Variants in PRKD1 observed in about 807,000 individuals in gnomAD.
PRKD1 encodes serine/threonine-protein kinase D1.
A neutral mutation model predicts 95.9 loss-of-function variants in PRKD1; 63 were observed. That is an observed-to-expected ratio of 0.66 (90% CI 0.54 to 0.81). The LOEUF (loss-of-function observed/expected upper bound fraction) is 0.81. Among genes scored for constraint, PRKD1 ranks in the 30% least tolerant of loss-of-function variants. The probability of loss-of-function intolerance (pLI) is 0.00; values close to 1 mark genes in which losing one functional copy is unlikely to be tolerated. For synonymous variants in PRKD1, 425 were observed against 423.1 expected, an observed-to-expected ratio of 1.00 and a Z score of -0.05; for missense variants, 1,048 against 1,165.3, an observed-to-expected ratio of 0.90 and a Z score of 1.47.
intron 2 of PRKD1, among the ~76,000 whole-genome samples, chr14:29,698,902 C>A (rs947048028): frequency 6.6e-6 from 1 of 152,040 alleles, no homozygotes; most frequent in Non-Finnish European, 1.5e-5. Flanking sequence ...CTGTTAGATG[C>A]TAAAGTGCAA....
chr14:29,827,386 G>A (rs560993343), intron 1 of PRKD1, among the ~76,000 whole-genome samples: 1 of 152,044 alleles, frequency 6.6e-6, no homozygotes, highest in Non-Finnish European at 1.5e-5. Flanking sequence ...GTTATGGTTA[G>A]ATGGCACAAA....
At chr14:29,702,260 GT>G in intron 2 of PRKD1, among the ~76,000 whole-genome samples, 1 of 152,090 alleles carries the variant, frequency 6.6e-6, no homozygotes, top group Non-Finnish European at 1.5e-5. Context: ...AATTTCTTAG[GT>G]TTAACTGTCA....
rs1028405672 is a variant in PRKD1 at position 29,789,605 on chromosome 14, C to T, written c.265-63931G>A. On this transcript the variant is annotated intron_variant, in intron 1 of 17. Transcript: ENST00000331968. ...TGGTATCCAGGCACCTAGGTGGTGC[C>T]TATAAGTGAATGCCAATGGTGGCAG... Among the ~76,000 whole-genome samples, 5 of 152,088 alleles carry T rather than the reference C, an allele frequency of 3.3e-5. No individual in the cohort carries two copies. In the East Asian group the frequency reaches 9.7e-4, roughly 29 times the overall value.
At position 29,816,171 on chromosome 14, in the gene PRKD1, T is replaced by C. The variant is rs549341674; in HGVS notation, c.265-90497A>G. On this transcript the variant is annotated intron_variant, in intron 1 of 17. Coordinates refer to ENST00000331968, the MANE Select transcript of PRKD1 (RefSeq NM_002742.3). ...AGTTGGAGGTTGCAGTGAGCCGAGA[T>C]CTTGCCACTGCAATCCAGCCTGGGC... is the stretch of plus-strand genomic sequence containing the variant. 2.6e-5 allele frequency among the ~76,000 whole-genome samples: 4 copies of C among 152,256 alleles called. No homozygotes were observed. In the East Asian group the frequency reaches 7.7e-4, roughly 29 times the overall value.
intron 1 of PRKD1, among the ~76,000 whole-genome samples, chr14:29,790,225 T>C (rs1359787277): frequency 1.3e-5 from 2 of 151,922 alleles, no homozygotes; most frequent in African/African-American, 4.8e-5. Context: ...TTGGCCAGGA[T>C]GGTCTCGATC....
At chr14:29,873,751 G>T (rs1893192327) in intron 1 of PRKD1, among the ~76,000 whole-genome samples, 1 of 151,710 alleles carries the variant, frequency 6.6e-6, no homozygotes, top group Non-Finnish European at 1.5e-5. Flanking sequence ...AAAAATAGAT[G>T]AAATATTAGA....
intron 1 of PRKD1, among the ~76,000 whole-genome samples, chr14:29,898,774 T>C (rs1594612667): frequency 6.6e-6 from 1 of 152,224 alleles, no homozygotes; most frequent in Non-Finnish European, 1.5e-5. Flanking sequence ...TGTCCACAGA[T>C]ACAAACTGCC....
At chr14:29,813,302 A>T (rs1483808387) in intron 1 of PRKD1, among the ~76,000 whole-genome samples, 1 of 152,198 alleles carries the variant, frequency 6.6e-6, no homozygotes, top group Non-Finnish European at 1.5e-5. Flanking sequence ...TGAATATGAA[A>T]ACTGATCTAC....
At chr14:29,606,315 T>C (rs1893703991) in intron 13 of PRKD1, among the ~76,000 whole-genome samples, 1 of 152,084 alleles carries the variant, frequency 6.6e-6, no homozygotes, top group Non-Finnish European at 1.5e-5. Flanking sequence ...ACCTGGCCAA[T>C]AATGACTTTT....
chr14:29,615,816 A>T (rs1039837044), intron 13 of PRKD1, among the ~76,000 whole-genome samples: 7 of 152,242 alleles, frequency 4.6e-5, no homozygotes, highest in Non-Finnish European at 8.8e-5. Flanking sequence ...AATTGAAGGA[A>T]GAGTTCTTGC....
chr14:29,888,309 GGAAAGAAAA>G (rs1005359183), intron 1 of PRKD1, among the ~76,000 whole-genome samples: 14 of 147,372 alleles, frequency 9.5e-5, no homozygotes, highest in East Asian at 2.0e-4. Flanking sequence ...AGAGAGAAAG[GGAAAGAAAA>G]GAAAGAAAAG....
chr14:29,864,049 T>C (rs1054039054), intron 1 of PRKD1, among the ~76,000 whole-genome samples: 6 of 152,066 alleles, frequency 3.9e-5, no homozygotes, highest in African/African-American at 1.4e-4. Context: ...ATGTAAGGTA[T>C]CAGTTAAAGC....
At chr14:29,889,113 C>T (rs1893845890) in intron 1 of PRKD1, among the ~76,000 whole-genome samples, 1 of 152,170 alleles carries the variant, frequency 6.6e-6, no homozygotes. Context: ...CTACTTGAGA[C>T]ATTCAAATGG....
chr14:29,801,597 G>C (rs761083923), intron 1 of PRKD1, among the ~76,000 whole-genome samples: 17 of 151,948 alleles, frequency 1.1e-4, no homozygotes, highest in Non-Finnish European at 1.5e-4. Context: ...AAACAAGTGG[G>C]GAGTATTAAC....
chr14:29,654,963 G>T (rs1048283510), intron 4 of PRKD1, among the ~76,000 whole-genome samples: 2 of 152,152 alleles, frequency 1.3e-5, no homozygotes, highest in African/African-American at 4.8e-5. Context: ...AGCTCATGCC[G>T]AAAACACATC....
chr14:29,714,260 G>T (rs545371549), intron 2 of PRKD1, among the ~76,000 whole-genome samples: 1 of 152,094 alleles, frequency 6.6e-6, no homozygotes, highest in Non-Finnish European at 1.5e-5. Flanking sequence ...TTTCTTCCAT[G>T]AGACTTCCAC....
chr14:29,619,190 G>A (rs1879078656), intron 13 of PRKD1, among the ~76,000 whole-genome samples: 1 of 151,702 alleles, frequency 6.6e-6, no homozygotes, highest in African/African-American at 2.4e-5. Context: ...ACAGATGAGA[G>A]TTAGTGAGTT....
intron 2 of PRKD1, among the ~76,000 whole-genome samples, chr14:29,716,162 T>C (rs1443761572): frequency 1.3e-5 from 2 of 152,150 alleles, no homozygotes; most frequent in Non-Finnish European, 2.9e-5. Context: ...TGGGTGACAG[T>C]TATAATACTG....
chr14:29,702,221 T>C (rs943867956), intron 2 of PRKD1, among the ~76,000 whole-genome samples: 2 of 152,160 alleles, frequency 1.3e-5, no homozygotes, highest in African/African-American at 4.8e-5. Flanking sequence ...TATCAACCCC[T>C]CTAATTGCGT....
Sources: gnomAD v4.1 joint callset for allele counts (sites outside exome capture counted in the v4.1 genomes callset) on GRCh38, gnomAD v4.1.1 for gene constraint, MANE v1.5 for transcripts, NCBI Gene and HGNC (gene_info 2026-07-23, HGNC 2026-07-21) for gene names.